ATP8A2: variants seen among roughly 807,000 people sequenced by gnomAD.
ATP8A2 encodes the protein phospholipid-transporting ATPase IB.
A neutral mutation model predicts 165.6 loss-of-function variants in ATP8A2; 100 were observed. The observed-to-expected ratio is 0.60, with a 90% CI of 0.51 to 0.71. ATP8A2 has a LOEUF of 0.71. Ranked by LOEUF, ATP8A2 falls within the 30% of genes least tolerant of loss-of-function variation. The pLI is 0.00. For missense variants in ATP8A2, 1,227 were observed against 1,479.5 expected (o/e 0.83, Z 2.80); for synonymous variants, 543 against 548.8 (o/e 0.99, Z 0.15).
chr13:25,544,706 G>A (rs1170320550), intron 10 of ATP8A2, among the ~76,000 whole-genome samples: 3 of 152,130 alleles, frequency 2.0e-5, no homozygotes, highest in Non-Finnish European at 4.4e-5. Flanking sequence ...ATGTTGACAA[G>A]TAAGGAACTG....
chr13:25,950,095 C>G (rs1398415222), intron 33 of ATP8A2, among the ~76,000 whole-genome samples: 1 of 152,182 alleles, frequency 6.6e-6, no homozygotes, highest in African/African-American at 2.4e-5. Context: ...CCACCGCTCC[C>G]AGCCCAGACT....
At chr13:25,662,883 C>A (rs1433708346) in intron 24 of ATP8A2, among the ~76,000 whole-genome samples, 1 of 152,202 alleles carries the variant, frequency 6.6e-6, no homozygotes, top group Non-Finnish European at 1.5e-5. Flanking sequence ...TGTGTTATGT[C>A]ATTTCCAAGC....
chr13:25,512,597 C>A (rs1417025517), intron 2 of ATP8A2, among the ~76,000 whole-genome samples: 1 of 148,630 alleles, frequency 6.7e-6, no homozygotes, highest in Non-Finnish European at 1.5e-5. Flanking sequence ...GGCAGAGGCG[C>A]CCCTCACCTC....
At position 25,744,263 on chromosome 13, in the gene ATP8A2, G is replaced by A. The variant is rs186863661; in HGVS notation, c.2385-24783G>A. 1.4e-4 allele frequency among the ~76,000 whole-genome samples: 22 copies of A among 151,868 alleles called. No individual in the cohort carries two copies. The East Asian group carries it at 3.1e-3, about 21-fold the overall frequency. On this transcript the variant is annotated intron_variant, in intron 25 of 36. Coordinates refer to ENST00000381655, the MANE Select transcript of ATP8A2 (RefSeq NM_016529.6). ...TGCAGCATATCTTTTCTTCTTTGGC[G>A]GCTGCTTCACTGCTGTTGAAATCAG...
At chr13:25,520,088 G>C (rs2037613658) in intron 2 of ATP8A2, among the ~76,000 whole-genome samples, 1 of 152,216 alleles carries the variant, frequency 6.6e-6, no homozygotes, top group South Asian at 2.1e-4. Context: ...TAGTCACCCT[G>C]CTGATCTTTC....
intron 2 of ATP8A2, among the ~76,000 whole-genome samples, chr13:25,493,206 C>T (rs1175798589): frequency 6.6e-6 from 1 of 152,058 alleles, no homozygotes; most frequent in Admixed American, 6.5e-5. Context: ...GTGTACCACA[C>T]TGGTGGTAAT....
chr13:25,535,766 G>C (rs1480835701), intron 6 of ATP8A2, among the ~76,000 whole-genome samples: 4 of 152,048 alleles, frequency 2.6e-5, no homozygotes, highest in Non-Finnish European at 5.9e-5. Context: ...AGTGAGCCTT[G>C]ATCGCACCAC....
rs1555227191 is a variant in ATP8A2 at position 25,595,043 on chromosome 13, T to TAA, written c.2211+5345_2211+5346dup. 3.3e-5 allele frequency among the ~76,000 whole-genome samples: 5 copies of TAA among 150,796 alleles called. No homozygotes were observed. In the South Asian group the frequency reaches 8.4e-4, roughly 25 times the overall value. On this transcript the variant is annotated intron_variant, in intron 24 of 36. Transcript: ENST00000381655. ...GTATATGTATATGTATATATATATA[T>TAA]AATGGAATACTACTCAGCCATAAAA...
chr13:25,930,065 C>G (rs561271870), intron 33 of ATP8A2, among the ~76,000 whole-genome samples: 36 of 152,244 alleles, frequency 2.4e-4, no homozygotes, highest in African/African-American at 7.9e-4. Context: ...GGGCTTTTCT[C>G]TCATGGGTCA....
At chr13:25,910,563 C>T (rs1283022593) in intron 33 of ATP8A2, among the ~76,000 whole-genome samples, 1 of 150,140 alleles carries the variant, frequency 6.7e-6, no homozygotes, top group Non-Finnish European at 1.5e-5. Flanking sequence ...AGAGAGAAGT[C>T]AACAGATTGG....
intron 24 of ATP8A2, among the ~76,000 whole-genome samples, chr13:25,672,412 G>A (rs1463493752): frequency 6.6e-6 from 1 of 152,094 alleles, no homozygotes; most frequent in Admixed American, 6.6e-5. Context: ...TGCAGTGTGT[G>A]TTGTCTTGCT....
At chr13:25,898,311 C>G (rs4770884) in intron 33 of ATP8A2, among the ~76,000 whole-genome samples, 149,087 of 152,314 alleles carry the variant, frequency 0.98, 73,059 homozygotes, top group East Asian at 1. Flanking sequence ...TGTTTGCCTA[C>G]GTATCAGCAG....
intron 13 of ATP8A2, among the ~76,000 whole-genome samples, chr13:25,558,339 C>G (rs71431759): frequency 6.6e-6 from 1 of 151,642 alleles, no homozygotes; most frequent in Non-Finnish European, 1.5e-5. Flanking sequence ...TAAATTAGCC[C>G]TAAGGTACGA....
chr13:25,586,710 G>A (rs911218593), intron 23 of ATP8A2, among the ~76,000 whole-genome samples: 10 of 152,238 alleles, frequency 6.6e-5, no homozygotes, highest in Non-Finnish European at 1.5e-4. Context: ...CTTGGTGGAT[G>A]TGATCTCAGG....
chr13:25,523,013 T>C (rs1231722036), intron 2 of ATP8A2, among the ~76,000 whole-genome samples: 1 of 151,864 alleles, frequency 6.6e-6, no homozygotes, highest in Non-Finnish European at 1.5e-5. Context: ...TAATCCTAGT[T>C]ACTCTGGAGG....
chr13:25,405,481 A>G (rs1376284165), intron 1 of ATP8A2, among the ~76,000 whole-genome samples: 1 of 152,114 alleles, frequency 6.6e-6, no homozygotes, highest in African/African-American at 2.4e-5. Flanking sequence ...TGGCCCACGT[A>G]TCTCAGCCTC....
At chr13:25,888,933 T>C (rs1953259995) in intron 33 of ATP8A2, among the ~76,000 whole-genome samples, 1 of 152,136 alleles carries the variant, frequency 6.6e-6, no homozygotes, top group Non-Finnish European at 1.5e-5. Flanking sequence ...TAGTTTTTTT[T>C]CTTTTATGTA....
chr13:25,917,693 A>T (rs1426675456), intron 33 of ATP8A2, among the ~76,000 whole-genome samples: 1 of 152,232 alleles, frequency 6.6e-6, no homozygotes. Context: ...TAATTTCAAG[A>T]CCAATCACTC....
At chr13:25,651,390 TCAAGATCACGCCACTGCACTC>T (rs2041808313) in intron 24 of ATP8A2, among the ~76,000 whole-genome samples, 2 of 151,490 alleles carry the variant, frequency 1.3e-5, no homozygotes, top group African/African-American at 4.9e-5. Flanking sequence ...TTGCAGTGAA[TCAAGATCACGCCACTGCACTC>T]CAGCCTGGCG....
Sources: gnomAD v4.1 joint callset for allele counts (sites outside exome capture counted in the v4.1 genomes callset) on GRCh38, gnomAD v4.1.1 for gene constraint, MANE v1.5 for transcripts, NCBI Gene and HGNC (gene_info 2026-07-23, HGNC 2026-07-21) for gene names.